The following ZNF469 variants were observed in gnomAD, a reference collection of about 807,000 sequenced individuals.
ZNF469 encodes the protein zinc finger protein 469.
Under a neutral mutation model 1.0 loss-of-function variants are expected in ZNF469, and 1 was observed. That is an observed-to-expected ratio of 1.00 (90% confidence interval 0.35 to 4.73). The LOEUF (loss-of-function observed/expected upper bound fraction) is 4.73, where lower values mean the gene tolerates loss of function less well. Ranked by LOEUF, ZNF469 falls within the 30% of genes most tolerant of loss-of-function variation. The pLI, the probability that ZNF469 is intolerant of heterozygous loss-of-function variation, is 0.16. For synonymous variants in ZNF469, 2,703 were observed against 2,363.4 expected (o/e 1.14, Z -4.17); for missense variants, 6,100 against 5,356.3 (o/e 1.14, Z -4.33).
intron 1 of ZNF469, among the ~76,000 whole-genome samples, chr16:88,422,019 G>T (rs1276643804): frequency 1.3e-5 from 2 of 151,020 alleles, no homozygotes; most frequent in African/African-American, 2.4e-5. Context: ...GTGGGTAGAT[G>T]AATGGGTGAG....
the ZNF469 span, among the ~76,000 whole-genome samples, chr16:88,199,429 C>G: frequency 6.6e-6 from 1 of 152,252 alleles, no homozygotes; most frequent in East Asian, 1.9e-4. Context: ...TGTCCCTGGT[C>G]TTCAGGGGTG....
At chr16:88,157,705 C>A in the ZNF469 span, among the ~76,000 whole-genome samples, 1 of 152,244 alleles carries the variant, frequency 6.6e-6, no homozygotes, top group Non-Finnish European at 1.5e-5. Flanking sequence ...CAGCTCCCCG[C>A]TCCTGGTGGC....
At chr16:88,322,474 C>T in the ZNF469 span, among the ~76,000 whole-genome samples, 2 of 152,242 alleles carry the variant, frequency 1.3e-5, no homozygotes, top group Non-Finnish European at 2.9e-5. Flanking sequence ...CCGCAGCCAC[C>T]CATGGCAGTG....
the ZNF469 span, among the ~76,000 whole-genome samples, chr16:88,323,580 C>T: frequency 6.6e-6 from 1 of 152,108 alleles, no homozygotes; most frequent in Admixed American, 6.5e-5. Flanking sequence ...AGCCTCAGGA[C>T]CCTGTGGGAA....
chr16:88,264,944 CG>C, the ZNF469 span, among the ~76,000 whole-genome samples: 1 of 152,122 alleles, frequency 6.6e-6, no homozygotes, highest in South Asian at 2.1e-4. Flanking sequence ...ATCCAGGGAG[CG>C]GGCACACAGG....
chr16:88,290,580 AT>A, the ZNF469 span, among the ~76,000 whole-genome samples: 6 of 152,200 alleles, frequency 3.9e-5, no homozygotes, highest in African/African-American at 1.4e-4. Context: ...TTCTATGTAA[AT>A]AAATGTTGAG....
At chr16:88,187,100 G>A in the ZNF469 span, among the ~76,000 whole-genome samples, 1 of 152,146 alleles carries the variant, frequency 6.6e-6, no homozygotes, top group Non-Finnish European at 1.5e-5. Context: ...GCTGGTGGGC[G>A]TCTGGCCAGC....
chr16:88,406,856 C>A (rs1177976617), intron 1 of ZNF469, among the ~76,000 whole-genome samples: 7 of 152,168 alleles, frequency 4.6e-5, no homozygotes, highest in Admixed American at 4.6e-4. Flanking sequence ...GCCACAGCTT[C>A]CCCCGTCGGC....
chr16:88,206,561 C>CA, the ZNF469 span, among the ~76,000 whole-genome samples: 26 of 149,514 alleles, frequency 1.7e-4, no homozygotes, highest in Non-Finnish European at 2.2e-4. Context: ...TTCTTTATGA[C>CA]AAAAAAACAA....
At chr16:88,323,324 A>G in the ZNF469 span, among the ~76,000 whole-genome samples, 1 of 152,134 alleles carries the variant, frequency 6.6e-6, no homozygotes, top group Non-Finnish European at 1.5e-5. Context: ...CGCTCAGTGG[A>G]TTACAGGGCC....
the ZNF469 span, among the ~76,000 whole-genome samples, chr16:88,122,775 CTG>C: frequency 0.06 from 9,027 of 151,246 alleles, 454 homozygotes; most frequent in East Asian, 0.21. Flanking sequence ...ATTCTTAGCT[CTG>C]TGTGTATATA....
At chr16:88,327,620 T>G in the ZNF469 span, among the ~76,000 whole-genome samples, 1 of 151,956 alleles carries the variant, frequency 6.6e-6, no homozygotes, top group Admixed American at 6.5e-5. Context: ...GCTCCGTACC[T>G]CAGGGCTGAG....
At chr16:88,360,947 A>G in the ZNF469 span, among the ~76,000 whole-genome samples, 9 of 152,244 alleles carry the variant, frequency 5.9e-5, no homozygotes, top group Non-Finnish European at 1.0e-4. Flanking sequence ...GGATGATTCA[A>G]GCACATTACT....
the ZNF469 span, among the ~76,000 whole-genome samples, chr16:88,121,850 T>G: frequency 2.6e-5 from 4 of 152,334 alleles, no homozygotes; most frequent in East Asian, 7.7e-4. Flanking sequence ...AATACGCTTC[T>G]TTTTTACTCA....
At position 88,410,636 on chromosome 16, in the gene ZNF469, G is replaced by A. The variant is rs144262186; in HGVS notation, c.-191-14171G>A. Among the ~76,000 whole-genome samples the A allele has an allele frequency of 7.2e-3, 1,087 of 150,676 alleles. 24 individuals carry two copies. The highest frequency in any genetic ancestry group is 0.025 in the African/African-American group (1,033 of 40,642). On this transcript the variant is annotated intron_variant, in intron 1 of 2. Coordinates refer to ENST00000565624, the MANE Select transcript of ZNF469 (RefSeq NM_001367624.2). ...TGCAGGTCACACAGTTCACGGTGACGTCTATGATGCTGTTGATGGTGCAAG... is the reference window on the plus strand; with the variant it reads ...TGCAGGTCACACAGTTCACGGTGACATCTATGATGCTGTTGATGGTGCAAG...
At chr16:88,318,650 T>G in the ZNF469 span, among the ~76,000 whole-genome samples, 5 of 152,212 alleles carry the variant, frequency 3.3e-5, no homozygotes, top group Non-Finnish European at 7.3e-5. Context: ...CTGGGCTGCC[T>G]CCCTCCCTGG....
At chr16:88,309,086 G>C in the ZNF469 span, among the ~76,000 whole-genome samples, 1 of 152,160 alleles carries the variant, frequency 6.6e-6, no homozygotes, top group Admixed American at 6.5e-5. Flanking sequence ...AACCTCCCAG[G>C]CTCCTGCCCC....
intron 1 of ZNF469, among the ~76,000 whole-genome samples, chr16:88,396,905 ATGAAGGGAGGCCGGGAGGAGACCCGTC>A (rs1904692681): frequency 1.1e-5 from 1 of 94,866 alleles, no homozygotes; most frequent in Admixed American, 1.1e-4. Flanking sequence ...GGAGACCCTC[ATGAAGGGAGGCCGGGAGGAGACCCGTC>A]TGAAGGGAGG....
At chr16:88,157,523 G>A in the ZNF469 span, among the ~76,000 whole-genome samples, 1 of 152,130 alleles carries the variant, frequency 6.6e-6, no homozygotes, top group African/African-American at 2.4e-5. Flanking sequence ...CATGGTGAGG[G>A]TGGGACAGCA....
Sources: allele counts gnomAD v4.1 joint callset (sites outside exome capture counted in the v4.1 genomes callset), GRCh38; gene constraint gnomAD v4.1.1; transcripts MANE v1.5; gene names NCBI Gene and HGNC (gene_info 2026-07-23, HGNC 2026-07-21).